The following VPS13C variants were observed in gnomAD, a reference collection of about 807,000 sequenced individuals.
VPS13C encodes vacuolar protein sorting 13 homolog C.
A neutral mutation model predicts 456.8 loss-of-function variants in VPS13C; 358 were observed. That is an observed-to-expected ratio of 0.78 (90% CI 0.72 to 0.86). The LOEUF (loss-of-function observed/expected upper bound fraction) is 0.86. Among genes scored for constraint, VPS13C ranks in the 40% least tolerant of loss-of-function variants. The pLI is 0.00. For synonymous variants in VPS13C, 1,578 were observed against 1,486.7 expected (o/e 1.06, Z -1.41); for missense variants, 4,818 against 4,385.4 (o/e 1.10, Z -2.79).
At chr15:61,878,814 T>C in intron 73 of VPS13C, 68 bp from the exon 74 acceptor site, 1 of 1,488,996 alleles carries the variant, frequency 6.7e-7, no homozygotes, top group South Asian at 1.3e-5. Context: ...AGGATCCAGG[T>C]AGTCCAGAAA....
intron 81 of VPS13C, chr15:61,866,237 C>A (rs1894582327): frequency 1.0e-6 from 1 of 984,772 alleles, no homozygotes. Flanking sequence ...TATAATCATT[C>A]TTTTTCTTCC....
rs2045124556 is a variant in VPS13C, at chr15:61,959,555, G to A, written c.3949C>T (p.Leu1317=). The A allele has an allele frequency of 6.2e-7, 1 of 1,613,130 alleles. No homozygotes were observed. Among genetic ancestry groups the A allele is most frequent in the Non-Finnish European group, 8.5e-7 (1 of 1,179,392 alleles). Residue 1317 remains leucine, a synonymous_variant, in exon 36 of 85, where the codon CTG becomes TTG. Transcript: ENST00000644861. ...AATTCCAAGTTAATTGGGTGCAACA[G>A]CTGAATATCAGGATGGTAGATGCCT... ...QPGIYHPDIQ[L]LHPINLEFLV...
At chr15:61,859,386 T>C (rs1461860144) in intron 82 of VPS13C, among the ~76,000 whole-genome samples, 1 of 152,078 alleles carries the variant, frequency 6.6e-6, no homozygotes, top group Non-Finnish European at 1.5e-5. Flanking sequence ...TAGCAGACTA[T>C]ACCTTAAGCA....
chr15:61,896,531 G>A (rs1033445266), intron 66 of VPS13C, among the ~76,000 whole-genome samples: 40 of 152,192 alleles, frequency 2.6e-4, no homozygotes, highest in African/African-American at 9.7e-4. Context: ...CCTGAATACT[G>A]CGCTTTTCCG....
chr15:61,946,646 A>T (rs1205876900), intron 43 of VPS13C, among the ~76,000 whole-genome samples: 2 of 117,044 alleles, frequency 1.7e-5, no homozygotes, highest in African/African-American at 6.8e-5. Flanking sequence ...AAATTTTAAA[A>T]CCAAAAAAAA....
chr15:61,888,507 T>TA (rs547447065), intron 67 of VPS13C, among the ~76,000 whole-genome samples: 32 of 152,156 alleles, frequency 2.1e-4, no homozygotes, highest in Non-Finnish European at 4.7e-4. Context: ...TACAATGGAC[T>TA]ATTATTCAAT....
intron 34 of VPS13C, 119 bp from the exon 35 acceptor site, chr15:61,962,012 A>G: frequency 8.7e-7 from 1 of 1,142,936 alleles, no homozygotes; most frequent in South Asian, 1.7e-5. Flanking sequence ...CTTTCCATTG[A>G]GCCCTATTTT....
At chr15:62,016,393 G>C (rs536989650) in intron 9 of VPS13C, among the ~76,000 whole-genome samples, 113 of 151,476 alleles carry the variant, frequency 7.5e-4, no homozygotes, top group Admixed American at 1.9e-3. Context: ...TTTACATTAG[G>C]TATATCTCTT....
At chr15:61,900,383 T>TCTCCTTAAGCTGATAAGTTG (rs1566981795) in intron 66 of VPS13C, among the ~76,000 whole-genome samples, 2 of 152,120 alleles carry the variant, frequency 1.3e-5, no homozygotes, top group African/African-American at 4.8e-5. Context: ...CAGCCCAAAA[T>TCTCCTTAAGCTGATAAGTTG]CTCCTTAAGC....
intron 9 of VPS13C, among the ~76,000 whole-genome samples, chr15:62,019,437 T>C (rs2047376826): frequency 6.6e-6 from 1 of 152,166 alleles, no homozygotes; most frequent in African/African-American, 2.4e-5. Context: ...GTGCTGCAAA[T>C]TTCCCTCTAC....
chr15:61,853,083 T>A lies in VPS13C; in HGVS notation c.*1374A>T, dbSNP rs1188725496. 1 of 152,164 alleles carries A rather than the reference T, an allele frequency of 6.6e-6. No individual in the cohort carries two copies. The highest frequency in any genetic ancestry group is 2.4e-5 in the African/African-American group (1 of 41,450). 9.4% of individuals were successfully genotyped at this position (152,164 alleles called of 1,614,324 possible). A position where few individuals can be genotyped will look rare whatever the true frequency, so the allele number is the denominator to read the frequency against. On this transcript the variant is annotated 3_prime_UTR_variant, in exon 85 of 85. Transcript: ENST00000644861. Reference sequence around the variant, plus strand: ...TGAGTATTTTTTAAAGTTTTAATAGTTTATCTCTGATCAAGGATGGAGAAA... The same window carrying A: ...TGAGTATTTTTTAAAGTTTTAATAGATTATCTCTGATCAAGGATGGAGAAA...
chr15:62,007,751 C>G (rs1202782748), intron 14 of VPS13C, among the ~76,000 whole-genome samples: 3 of 152,144 alleles, frequency 2.0e-5, no homozygotes, highest in East Asian at 1.9e-4. Flanking sequence ...AACACTGAGT[C>G]TATGTGGATG....
chr15:62,042,934 A>T lies in VPS13C; in HGVS notation c.144+1278T>A, dbSNP rs184990214. Among the ~76,000 whole-genome samples, 1,128 of 150,448 alleles carry T rather than the reference A, an allele frequency of 7.5e-3. 20 individuals are homozygous for T. Among genetic ancestry groups the T allele is most frequent in the African/African-American group, 0.024 (991 of 41,264 alleles). Reference sequence around the variant, plus strand: ...GTATAATAAAAAATATATATATATAAAAATTACAAAATAGTTTATTATATT... The same window carrying T: ...GTATAATAAAAAATATATATATATATAAATTACAAAATAGTTTATTATATT... On this transcript the variant is annotated intron_variant, in intron 2 of 84. Transcript: ENST00000644861.
intron 3 of VPS13C, among the ~76,000 whole-genome samples, chr15:62,037,594 T>C (rs1455829087): frequency 2.2e-5 from 3 of 138,662 alleles, no homozygotes; most frequent in Non-Finnish European, 4.9e-5. Context: ...CAATCTATGT[T>C]CCAATTTTAG....
Position 61,991,729 on chromosome 15 carries a change from C to A in VPS13C, c.1427G>T (p.Gly476Val), listed in dbSNP as rs2046229213. 6.2e-7 allele frequency: 1 copy of A among 1,613,436 alleles called. No individual in the cohort carries two copies. Among genetic ancestry groups the A allele is most frequent in the South Asian group, 1.1e-5 (1 of 90,996 alleles). ...CTTAGACTCTTTCTTACCCCACAAC[C>A]CACTAAACCAGCCTCCACGTTTCTC... ...TGEKRGGWFS[G>V]LWGKKESKKK... Residue 476 changes from glycine (G) to valine (V), a missense_variant, in exon 17 of 85, where the codon GGG becomes GTG. Transcript: ENST00000644861.
At chr15:61,918,110 G>A in intron 59 of VPS13C, 26 bp downstream of exon 59, 1 of 1,556,998 alleles carries the variant, frequency 6.4e-7, no homozygotes, top group South Asian at 1.2e-5. Flanking sequence ...TACATTTAAA[G>A]TTTAATACAT....
At chr15:61,877,356 A>G (rs1057293542) in intron 74 of VPS13C, among the ~76,000 whole-genome samples, 9 of 151,514 alleles carry the variant, frequency 5.9e-5, no homozygotes, top group Non-Finnish European at 1.2e-4. Context: ...TTTATATGCA[A>G]TGATAAAATG....
rs140931489 is a variant in VPS13C, at chr15:61,989,042, T to C, written c.1578+1958A>G. 8.0e-3 allele frequency among the ~76,000 whole-genome samples: 1,215 copies of C among 151,520 alleles called. 13 individuals are homozygous for C. The highest frequency in any genetic ancestry group is 0.028 in the African/African-American group (1,172 of 41,158). Reference sequence around the variant, plus strand: ...CATTAGCCAAAAAGGAAAAGATTAATAAAGAAAATAAATATTAAAAATAAG... The same window carrying C: ...CATTAGCCAAAAAGGAAAAGATTAACAAAGAAAATAAATATTAAAAATAAG... On this transcript the variant is annotated intron_variant, in intron 18 of 84. Coordinates refer to ENST00000644861, the MANE Select transcript of VPS13C (RefSeq NM_020821.3).
chr15:61,996,463 T>A (rs1439941639), intron 16 of VPS13C, among the ~76,000 whole-genome samples: 2 of 152,112 alleles, frequency 1.3e-5, no homozygotes, highest in Admixed American at 1.3e-4. Flanking sequence ...CCAAAATTAC[T>A]TGACATACGA....
Sources: gnomAD v4.1 joint callset for allele counts (sites outside exome capture counted in the v4.1 genomes callset) on GRCh38, gnomAD v4.1.1 for gene constraint, MANE v1.5 for transcripts, NCBI Gene and HGNC (gene_info 2026-07-23, HGNC 2026-07-21) for gene names.